The following PARD6B variants were observed in gnomAD, a reference collection of about 807,000 sequenced individuals.
PARD6B encodes partitioning defective 6 homolog beta.
A neutral mutation model predicts 10.5 loss-of-function variants in PARD6B; 4 were observed. That is an observed-to-expected ratio of 0.38 (90% confidence interval 0.19 to 0.87). The LOEUF is 0.87. Among genes scored for constraint, PARD6B ranks in the 40% least tolerant of loss-of-function variants. The pLI is 0.41. For synonymous variants in PARD6B, 169 were observed against 170.4 expected (o/e 0.99, Z 0.07); for missense variants, 396 against 470.6 (o/e 0.84, Z 1.47).
chr20:50,734,804 A>G (rs1456503420), intron 1 of PARD6B, among the ~76,000 whole-genome samples: 1 of 152,150 alleles, frequency 6.6e-6, no homozygotes, highest in Non-Finnish European at 1.5e-5. Context: ...TATAGGCATT[A>G]GCCACCACAC....
At chr20:50,738,385 CT>C in intron 2 of PARD6B, among the ~76,000 whole-genome samples, 1 of 152,206 alleles carries the variant, frequency 6.6e-6, no homozygotes, top group Non-Finnish European at 1.5e-5. Flanking sequence ...TGAATCTTCA[CT>C]TTATCAAATG....
chr20:50,749,595 C>T, intron 2 of PARD6B, 64 bp from the exon 3 acceptor site: 4 of 1,331,952 alleles, frequency 3.0e-6, no homozygotes, highest in South Asian at 1.5e-5. Flanking sequence ...TGTACAGATT[C>T]AGCTGCAAGT....
rs2087619115 is a variant in PARD6B at position 50,752,516 on chromosome 20, C to T, written c.*2028C>T. ...AAGAGTAAGGCTGCTAACTTTAATT[C>T]CTTGCCTGATTTTATTGTACAGTGT... is the stretch of plus-strand genomic sequence containing the variant. On this transcript the variant is annotated 3_prime_UTR_variant, in exon 3 of 3. Coordinates refer to ENST00000371610, the MANE Select transcript of PARD6B (RefSeq NM_032521.3). The T allele has an allele frequency of 1.0e-6, 1 of 982,268 alleles. No individual in the cohort carries two copies. Among genetic ancestry groups the T allele is most frequent in the South Asian group, 4.7e-5 (1 of 21,210 alleles). The allele number at this position is 982,268 out of a possible 1,614,324, so 60.8% of individuals were successfully genotyped here. A position where few individuals can be genotyped will look rare whatever the true frequency, so the allele number is the denominator to read the frequency against.
chr20:50,741,771 C>A (rs866248173), intron 2 of PARD6B, among the ~76,000 whole-genome samples: 10 of 152,114 alleles, frequency 6.6e-5, no homozygotes, highest in Admixed American at 3.3e-4. Flanking sequence ...TGGTCTCGAT[C>A]TCCTGACTTC....
At position 50,731,643 on chromosome 20, in the gene PARD6B, G is replaced by C. The variant is rs911607992; in HGVS notation, c.-144G>C. Reference sequence around the variant, plus strand: ...AGTGGAGCTCAGCGCGGACGCCGGAGCTGCGGCCGCCCCCTCTGCAGGTGC... The same window carrying C: ...AGTGGAGCTCAGCGCGGACGCCGGACCTGCGGCCGCCCCCTCTGCAGGTGC... On this transcript the variant is annotated 5_prime_UTR_variant, in exon 1 of 3. Coordinates refer to ENST00000371610, the MANE Select transcript of PARD6B (RefSeq NM_032521.3). The C allele has an allele frequency of 3.2e-5, 18 of 564,294 alleles. No individual in the cohort carries two copies. Among genetic ancestry groups the C allele is most frequent in the Non-Finnish European group, 4.8e-5 (17 of 352,002 alleles). The allele number at this position is 564,294 out of a possible 1,614,324, so 35.0% of individuals were successfully genotyped here.
chr20:50,738,504 A>G (rs73125308), intron 2 of PARD6B, among the ~76,000 whole-genome samples: 2,455 of 152,374 alleles, frequency 0.016, 36 homozygotes, highest in South Asian at 0.032. Context: ...ACCAGTTAAT[A>G]AATACCAGAA....
chr20:50,733,507 C>A (rs1315942904), intron 1 of PARD6B, among the ~76,000 whole-genome samples: 2 of 152,200 alleles, frequency 1.3e-5, no homozygotes, highest in African/African-American at 4.8e-5. Flanking sequence ...TAAGAAAAGA[C>A]GTGTAGTTAC....
chr20:50,753,552 T>G lies in PARD6B; in HGVS notation c.*3064T>G. ...TTTTGTGAGCTATGAATTTTCTAAT[T>G]AAATTTTACATGCTATAACATGATT... On this transcript the variant is annotated 3_prime_UTR_variant, in exon 3 of 3. Coordinates refer to ENST00000371610, the MANE Select transcript of PARD6B (RefSeq NM_032521.3). The G allele has an allele frequency of 3.4e-6, 3 of 889,602 alleles. No homozygotes were observed. Among genetic ancestry groups the G allele is most frequent in the Non-Finnish European group, 4.0e-6 (3 of 742,432 alleles). The allele number at this position is 889,602 out of a possible 1,614,324, so 55.1% of individuals were successfully genotyped here.
intron 2 of PARD6B, among the ~76,000 whole-genome samples, chr20:50,744,002 CA>C (rs2123704714): frequency 6.6e-6 from 1 of 151,856 alleles, no homozygotes; most frequent in Non-Finnish European, 1.5e-5. Context: ...AGTCAGTCAC[CA>C]AGCCTATTAA....
chr20:50,749,981 A>G lies in PARD6B; in HGVS notation c.612A>G (p.Gln204=), dbSNP rs781058690. The part of the protein sequence containing the change: ...ISRLVPGGLA[Q]STGLLAVNDE... ...GGCTTGTCCCAGGAGGTCTGGCTCA[A>G]AGTACAGGACTATTAGCTGTTAATG... The change falls in exon 3 of 3, where the codon CAA becomes CAG. Residue 204 remains glutamine (Q), a synonymous_variant. Transcript: ENST00000371610. The G allele has an allele frequency of 1.2e-6, 2 of 1,614,228 alleles. No individual in the cohort carries two copies. Among genetic ancestry groups the G allele is most frequent in the South Asian group, 1.1e-5 (1 of 91,086 alleles).
Position 50,732,944 on chromosome 20 carries a change from C to CAG in PARD6B, c.66+1092_66+1093insAG, listed in dbSNP as rs1194293689. 2.6e-5 allele frequency among the ~76,000 whole-genome samples: 4 copies of CAG among 151,346 alleles called. No homozygotes were observed. In the East Asian group the frequency reaches 7.7e-4, roughly 29 times the overall value. ...TAATGGAGCATCATAGATGGTAAGACTACTAAGGAGTATGTAAAATCAAGG... is the reference window on the plus strand; with the variant it reads ...TAATGGAGCATCATAGATGGTAAGACAGTACTAAGGAGTATGTAAAATCAAGG... On this transcript the variant is annotated intron_variant, in intron 1 of 2. Coordinates refer to ENST00000371610, the MANE Select transcript of PARD6B (RefSeq NM_032521.3).
Position 50,746,926 on chromosome 20 carries a change from T to G in PARD6B, c.290-2733T>G, listed in dbSNP as rs142534743. ...TACCAGAAGACTATTCTTGATAGGT[T>G]TTTTTGCCAAAAAGATTGTTGTACC... On this transcript the variant is annotated intron_variant, in intron 2 of 2. Transcript: ENST00000371610. Among the ~76,000 whole-genome samples the G allele has an allele frequency of 4.6e-3, 708 of 152,302 alleles. 2 individuals carry two copies. Among genetic ancestry groups the G allele is most frequent in the African/African-American group, 0.016 (657 of 41,560 alleles).
Position 50,750,249 on chromosome 20 carries a change from G to A in PARD6B, c.880G>A (p.Asp294Asn). The change falls in exon 3 of 3, where the codon GAT (aspartate) becomes AAT (asparagine). Residue 294 changes from aspartate to asparagine, a missense_variant. Coordinates refer to ENST00000371610, the MANE Select transcript of PARD6B (RefSeq NM_032521.3). ...FEPEDEDSEE[D>N]DIIIEDNGVP... The stretch of plus-strand genomic sequence containing the variant: ...GCCAGAGGATGAAGACAGCGAAGAA[G>A]ATGACATTATCATTGAAGACAATGG... 6.2e-7 allele frequency: 1 copy of A among 1,614,214 alleles called. No individual in the cohort carries two copies. The highest frequency in any genetic ancestry group is 8.5e-7 in the Non-Finnish European group (1 of 1,180,046).
chr20:50,752,413 CTG>C lies in PARD6B; in HGVS notation c.*1928_*1929del. 4 of 985,608 alleles carry C rather than the reference CTG, an allele frequency of 4.1e-6. No homozygotes were observed. The highest frequency in any genetic ancestry group is 1.7e-5 in the African/African-American group (1 of 57,312). The allele number at this position is 985,608 out of a possible 1,614,324, so 61.1% of individuals were successfully genotyped here. Reference sequence around the variant, plus strand: ...TTTATGAAAACTACATAGTATTCACCTGTGACAGGTAGAGTTTATCACTATTA... The same window carrying C: ...TTTATGAAAACTACATAGTATTCACCTGACAGGTAGAGTTTATCACTATTA... On this transcript the variant is annotated 3_prime_UTR_variant, in exon 3 of 3. Coordinates refer to ENST00000371610, the MANE Select transcript of PARD6B (RefSeq NM_032521.3).
At chr20:50,738,743 T>C (rs2087513418) in intron 2 of PARD6B, among the ~76,000 whole-genome samples, 1 of 152,148 alleles carries the variant, frequency 6.6e-6, no homozygotes, top group African/African-American at 2.4e-5. Context: ...TGTGGAAGGA[T>C]GTAAACACTG....
Position 50,752,284 on chromosome 20 carries a change from A to T in PARD6B, c.*1796A>T. ...TCATTTTGGATAAAAAATACATCCA[A>T]ATTAAGATGTTTTAACACATAGGAC... On this transcript the variant is annotated 3_prime_UTR_variant, in exon 3 of 3. Transcript: ENST00000371610. The T allele has an allele frequency of 1.0e-6, 1 of 985,780 alleles. No homozygotes were observed. The highest frequency in any genetic ancestry group is 4.7e-5 in the South Asian group (1 of 21,282). The allele number at this position is 985,780 out of a possible 1,614,324, so 61.1% of individuals were successfully genotyped here. A position where few individuals can be genotyped will look rare whatever the true frequency, so the allele number is the denominator to read the frequency against.
chr20:50,737,217 C>G (rs918751391), intron 1 of PARD6B, among the ~76,000 whole-genome samples: 1 of 152,130 alleles, frequency 6.6e-6, no homozygotes, highest in Non-Finnish European at 1.5e-5. Flanking sequence ...GGAGCAGGCT[C>G]GAGGCTTTCA....
In PARD6B at chr20:50,738,047, A is replaced by G. The variant is rs760237609; in HGVS notation, c.257A>G (p.Asn86Ser). ...DNYHKAVSTA[N>S]PLLRIFIQKK... Reference sequence around the variant, plus strand: ...TATCACAAAGCTGTTTCAACGGCCAATCCACTGCTTAGGATATTTATACAA... The same window carrying G: ...TATCACAAAGCTGTTTCAACGGCCAGTCCACTGCTTAGGATATTTATACAA... The change falls in exon 2 of 3, where the codon AAT becomes AGT. Residue 86 changes from asparagine (N) to serine (S), a missense_variant. Transcript: ENST00000371610. The G allele has an allele frequency of 1.2e-5, 20 of 1,610,692 alleles. No homozygotes were observed. Among genetic ancestry groups the G allele is most frequent in the Non-Finnish European group, 1.6e-5 (19 of 1,178,610 alleles).
At chr20:50,748,281 T>C (rs1223279096) in intron 2 of PARD6B, among the ~76,000 whole-genome samples, 1 of 152,126 alleles carries the variant, frequency 6.6e-6, no homozygotes, top group Non-Finnish European at 1.5e-5. Flanking sequence ...GAGGCGGGGG[T>C]GGCAGTGAGC....
Sources: allele counts gnomAD v4.1 joint callset (sites outside exome capture counted in the v4.1 genomes callset), GRCh38; gene constraint gnomAD v4.1.1; transcripts MANE v1.5; gene names NCBI Gene and HGNC (gene_info 2026-07-23, HGNC 2026-07-21).